LSAMP: variants seen among roughly 807,000 people sequenced by gnomAD.
LSAMP encodes the protein limbic system-associated membrane protein.
A neutral mutation model predicts 38.6 loss-of-function variants in LSAMP; 7 were observed. The observed-to-expected ratio is 0.18, with a 90% CI of 0.10 to 0.34. The LOEUF is 0.34. Ranked by LOEUF, LSAMP falls within the 10% of genes least tolerant of loss-of-function variation. The pLI, the probability that LSAMP is intolerant of heterozygous loss-of-function variation, is 1.00. For synonymous variants in LSAMP, 154 were observed against 166.8 expected, an observed-to-expected ratio of 0.92 and a Z score of 0.59; for missense variants, 313 against 420.0, an observed-to-expected ratio of 0.75 and a Z score of 2.23.
chr3:115,884,133 T>C (rs1936391169), intron 3 of LSAMP, among the ~76,000 whole-genome samples: 1 of 152,064 alleles, frequency 6.6e-6, no homozygotes, highest in Admixed American at 6.6e-5. Context: ...TGATTGAATT[T>C]GATTTTTGCA....
chr3:115,811,756 G>A (rs1933840411), intron 6 of LSAMP, among the ~76,000 whole-genome samples: 1 of 152,090 alleles, frequency 6.6e-6, no homozygotes, highest in South Asian at 2.1e-4. Flanking sequence ...ACAACAATAA[G>A]AACGAAACCA....
At chr3:115,842,650 A>G in intron 4 of LSAMP, 72 bp from the exon 5 acceptor site, 2 of 1,578,500 alleles carry the variant, frequency 1.3e-6, no homozygotes, top group South Asian at 2.3e-5. Context: ...GGAAGGAATG[A>G]AGAAGGACAA....
intron 3 of LSAMP, among the ~76,000 whole-genome samples, chr3:115,910,239 A>G (rs1937105313): frequency 1.3e-5 from 2 of 152,170 alleles, no homozygotes; most frequent in Admixed American, 1.3e-4. Context: ...GCACTCCTCA[A>G]AGTTTTTCAC....
chr3:115,994,955 C>T lies in LSAMP; in HGVS notation c.514+24560G>A, dbSNP rs148789807. The stretch of plus-strand genomic sequence containing the variant: ...ATGTGTCAAGTCTGATACAGGTATA[C>T]GTGAGAATGTAGATGCTGGGCATCG... On this transcript the variant is annotated intron_variant, in intron 3 of 6. Coordinates refer to ENST00000490035, the MANE Select transcript of LSAMP (RefSeq NM_002338.5). Among the ~76,000 whole-genome samples the T allele has an allele frequency of 2.2e-3, 334 of 152,098 alleles. 2 individuals carry two copies. The highest frequency in any genetic ancestry group is 6.8e-3 in the Middle Eastern group (2 of 294).
At chr3:116,008,740 G>A (rs555080432) in intron 3 of LSAMP, among the ~76,000 whole-genome samples, 1 of 152,108 alleles carries the variant, frequency 6.6e-6, no homozygotes, top group South Asian at 2.1e-4. Flanking sequence ...AAAGGAGGTG[G>A]GGATGAACTT....
intron 1 of LSAMP, among the ~76,000 whole-genome samples, chr3:116,319,662 G>A (rs1000309549): frequency 2.0e-5 from 3 of 152,100 alleles, no homozygotes; most frequent in Admixed American, 6.6e-5. Flanking sequence ...CCTCTGGATC[G>A]GCACCTCTCT....
rs115539949 is a variant in LSAMP, at chr3:116,241,678, G to A, written c.156-155122C>T. Among the ~76,000 whole-genome samples, 874 of 152,190 alleles carry A rather than the reference G, an allele frequency of 5.7e-3. 8 individuals are homozygous for A. Among genetic ancestry groups the A allele is most frequent in the African/African-American group, 0.02 (825 of 41,504 alleles). ...TAAATAAAATTATGACACAGATCACGCCATTCTAGATCTAATTATTTCCCC... is the reference window on the plus strand; with the variant it reads ...TAAATAAAATTATGACACAGATCACACCATTCTAGATCTAATTATTTCCCC... On this transcript the variant is annotated intron_variant, in intron 1 of 6. Transcript: ENST00000490035.
intron 1 of LSAMP, among the ~76,000 whole-genome samples, chr3:116,175,696 A>G (rs1330408862): frequency 1.3e-5 from 2 of 152,028 alleles, no homozygotes; most frequent in African/African-American, 4.8e-5. Flanking sequence ...TATATCTTAT[A>G]ATCTTTCCCT....
At chr3:116,055,488 C>G (rs1488332053) in intron 2 of LSAMP, among the ~76,000 whole-genome samples, 1 of 152,130 alleles carries the variant, frequency 6.6e-6, no homozygotes, top group Non-Finnish European at 1.5e-5. Context: ...GGTAAGTTTT[C>G]TCTAGAAGTA....
chr3:116,179,577 T>C (rs1276551360), intron 1 of LSAMP, among the ~76,000 whole-genome samples: 1 of 152,078 alleles, frequency 6.6e-6, no homozygotes, highest in Non-Finnish European at 1.5e-5. Flanking sequence ...AAACTTTCAA[T>C]CATGCTGAAA....
chr3:115,817,456 G>A (rs1934068005), intron 6 of LSAMP, among the ~76,000 whole-genome samples: 1 of 151,708 alleles, frequency 6.6e-6, no homozygotes, highest in African/African-American at 2.4e-5. Flanking sequence ...ATAAATATTT[G>A]TTTAATTTAT....
At chr3:115,959,246 G>A (rs1938550699) in intron 3 of LSAMP, among the ~76,000 whole-genome samples, 1 of 152,150 alleles carries the variant, frequency 6.6e-6, no homozygotes, top group Non-Finnish European at 1.5e-5. Flanking sequence ...GTGAGACACA[G>A]CAGTATCAGG....
chr3:115,867,139 T>C (rs1935885247), intron 3 of LSAMP, among the ~76,000 whole-genome samples: 1 of 151,992 alleles, frequency 6.6e-6, no homozygotes, highest in South Asian at 2.1e-4. Flanking sequence ...AACATATAAG[T>C]CTTGGTGGTC....
At chr3:116,209,171 G>C (rs968845886) in intron 1 of LSAMP, among the ~76,000 whole-genome samples, 4 of 152,188 alleles carry the variant, frequency 2.6e-5, no homozygotes, top group East Asian at 3.9e-4. Context: ...TTCCAGGTGA[G>C]TCCGTCACCC....
At chr3:116,327,408 A>AC (rs1017249872) in intron 1 of LSAMP, among the ~76,000 whole-genome samples, 5 of 151,928 alleles carry the variant, frequency 3.3e-5, no homozygotes, top group South Asian at 2.1e-4. Context: ...TATTCTTCTT[A>AC]CTTTTTTTTT....
At chr3:115,962,831 G>A (rs1938673552) in intron 3 of LSAMP, among the ~76,000 whole-genome samples, 2 of 152,176 alleles carry the variant, frequency 1.3e-5, no homozygotes, top group South Asian at 2.1e-4. Context: ...AACTTAATAT[G>A]CAAATGATAG....
At chr3:116,279,717 T>G (rs1374193983) in intron 1 of LSAMP, among the ~76,000 whole-genome samples, 1 of 152,206 alleles carries the variant, frequency 6.6e-6, no homozygotes, top group African/African-American at 2.4e-5. Context: ...GAGTATATAT[T>G]ATCTGTATTG....
At chr3:115,967,251 A>G (rs1287514565) in intron 3 of LSAMP, among the ~76,000 whole-genome samples, 1 of 152,198 alleles carries the variant, frequency 6.6e-6, no homozygotes, top group Non-Finnish European at 1.5e-5. Flanking sequence ...AAGTTCCACA[A>G]ATCTCTAGGG....
intron 3 of LSAMP, among the ~76,000 whole-genome samples, chr3:115,984,236 A>T (rs1200171777): frequency 6.6e-6 from 1 of 152,192 alleles, no homozygotes; most frequent in African/African-American, 2.4e-5. Flanking sequence ...AAAAAAAATC[A>T]GGAGTAAAAA....
Sources: gnomAD v4.1 joint callset for allele counts (sites outside exome capture counted in the v4.1 genomes callset) on GRCh38, gnomAD v4.1.1 for gene constraint, MANE v1.5 for transcripts, NCBI Gene and HGNC (gene_info 2026-07-23, HGNC 2026-07-21) for gene names.